Variants in SGCZ observed in about 807,000 individuals in gnomAD.
SGCZ encodes sarcoglycan zeta.
SGCZ carries 40 observed loss-of-function variants against 41.3 expected under a neutral mutation model. The ratio of observed to expected loss-of-function variants is 0.97; its 90% confidence interval spans 0.75 to 1.26. The LOEUF is 1.26. SGCZ is among the 50% of genes most tolerant of loss of function. SGCZ has a pLI of 0.00. For synonymous variants in SGCZ, 206 were observed against 137.5 expected, an observed-to-expected ratio of 1.50 and a Z score of -3.49; for missense variants, 552 against 369.8, an observed-to-expected ratio of 1.49 and a Z score of -4.04.
intron 1 of SGCZ, among the ~76,000 whole-genome samples, chr8:15,210,941 C>G (rs966790985): frequency 2.0e-5 from 3 of 151,916 alleles, no homozygotes; most frequent in African/African-American, 7.3e-5. Context: ...CTTCTATTGC[C>G]TTTGCCTAGA....
intron 2 of SGCZ, among the ~76,000 whole-genome samples, chr8:14,463,419 A>C (rs1439786615): frequency 1.3e-5 from 2 of 150,994 alleles, no homozygotes; most frequent in Non-Finnish European, 3.0e-5. Context: ...AAAAAAAAAA[A>C]AACCCTGGAT....
At chr8:14,809,693 C>G (rs1392860460) in intron 1 of SGCZ, among the ~76,000 whole-genome samples, 1 of 152,068 alleles carries the variant, frequency 6.6e-6, no homozygotes, top group Non-Finnish European at 1.5e-5. Flanking sequence ...TAATTTAAAT[C>G]TGAAAATGGA....
chr8:14,282,284 C>A (rs1585316274), intron 3 of SGCZ, among the ~76,000 whole-genome samples: 1 of 152,104 alleles, frequency 6.6e-6, no homozygotes, highest in African/African-American at 2.4e-5. Context: ...TTCTTAGAGT[C>A]AGGGGTAGAT....
chr8:14,969,722 A>T (rs979941937), intron 1 of SGCZ, among the ~76,000 whole-genome samples: 2 of 151,724 alleles, frequency 1.3e-5, no homozygotes, highest in Non-Finnish European at 2.9e-5. Context: ...TTAATTGTTC[A>T]CTCTTTTCTA....
At chr8:14,432,239 T>C (rs13272449) in intron 2 of SGCZ, among the ~76,000 whole-genome samples, 31,585 of 152,216 alleles carry the variant, frequency 0.21, 3,829 homozygotes, top group Non-Finnish European at 0.28. Flanking sequence ...GAGATGTTTA[T>C]AGTAGCACAA....
chr8:14,871,840 G>A (rs555191184), intron 1 of SGCZ, among the ~76,000 whole-genome samples: 17 of 149,026 alleles, frequency 1.1e-4, no homozygotes, highest in African/African-American at 4.0e-4. Flanking sequence ...ATATATATAT[G>A]TATGTATATA....
At chr8:14,202,786 A>C (rs548363740) in intron 4 of SGCZ, among the ~76,000 whole-genome samples, 2 of 152,292 alleles carry the variant, frequency 1.3e-5, no homozygotes, top group African/African-American at 4.8e-5. Flanking sequence ...GACACATTTT[A>C]AAATAGCAGA....
intron 1 of SGCZ, among the ~76,000 whole-genome samples, chr8:14,614,276 A>G (rs1225988725): frequency 2.0e-5 from 3 of 152,184 alleles, no homozygotes. Flanking sequence ...GCACAGCAAA[A>G]TATAAGAAAT....
intron 6 of SGCZ, among the ~76,000 whole-genome samples, chr8:14,103,798 A>ATATT (rs1190341596): frequency 1.3e-5 from 2 of 152,160 alleles, no homozygotes; most frequent in South Asian, 2.1e-4. Context: ...AAAACTCCCC[A>ATATT]TATTTTCCAT....
At chr8:14,245,324 G>A (rs10097606) in intron 3 of SGCZ, among the ~76,000 whole-genome samples, 5,548 of 152,194 alleles carry the variant, frequency 0.036, 162 homozygotes, top group African/African-American at 0.076. Flanking sequence ...TGACAAACCT[G>A]ACAAAAACAA....
intron 2 of SGCZ, among the ~76,000 whole-genome samples, chr8:14,493,359 CTTTTTTTTTTTTTT>C (rs57898016): frequency 9.0e-5 from 4 of 44,268 alleles, no homozygotes; most frequent in Admixed American, 3.9e-4. Context: ...ATCATCCTTT[CTTTTTTTTTTTTTT>C]TTTTTTTTTT....
At chr8:14,165,916 C>G (rs549858119) in intron 4 of SGCZ, among the ~76,000 whole-genome samples, 48 of 152,274 alleles carry the variant, frequency 3.2e-4, no homozygotes, top group African/African-American at 1.2e-3. Flanking sequence ...AACCCCACCT[C>G]AGCACTACTC....
At chr8:15,211,016 T>C (rs1457762207) in intron 1 of SGCZ, among the ~76,000 whole-genome samples, 5 of 130,542 alleles carry the variant, frequency 3.8e-5, no homozygotes, top group African/African-American at 1.4e-4. Context: ...TCTCTCTATA[T>C]ATAGATATAT....
At chr8:14,283,043 G>A (rs1232854038) in intron 3 of SGCZ, among the ~76,000 whole-genome samples, 3 of 150,792 alleles carry the variant, frequency 2.0e-5, no homozygotes. Flanking sequence ...TAGAGACGGG[G>A]TTTCACCGTG....
chr8:14,441,929 T>C (rs1280342080), intron 2 of SGCZ, among the ~76,000 whole-genome samples: 1 of 152,230 alleles, frequency 6.6e-6, no homozygotes, highest in Non-Finnish European at 1.5e-5. Flanking sequence ...TCTTTACTCT[T>C]GGCTTTTCTG....
chr8:14,600,976 A>G (rs1805572371), intron 1 of SGCZ, among the ~76,000 whole-genome samples: 1 of 151,134 alleles, frequency 6.6e-6, no homozygotes, highest in African/African-American at 2.4e-5. Context: ...ATTTCCTTAT[A>G]CTTTTAATGC....
chr8:14,185,308 GAGA>G (rs1804867375), intron 4 of SGCZ, among the ~76,000 whole-genome samples: 1 of 151,990 alleles, frequency 6.6e-6, no homozygotes, highest in Middle Eastern at 3.2e-3. Context: ...CAGGCTGAGG[GAGA>G]AGAATAGCTT....
chr8:15,058,784 A>G (rs1396235726), intron 1 of SGCZ, among the ~76,000 whole-genome samples: 12 of 152,186 alleles, frequency 7.9e-5, no homozygotes, highest in South Asian at 2.1e-4. Flanking sequence ...AGTTCATCAT[A>G]CAGGTTATAG....
Position 14,352,394 on chromosome 8 carries a change from C to T in SGCZ, c.235-28190G>A, listed in dbSNP as rs117425498. ...GCAAGAGCACACAAGAAAAGAAATA[C>T]GGCACAAAATGTGTAAAGAAAGGGA... On this transcript the variant is annotated intron_variant, in intron 2 of 7. Transcript: ENST00000382080. 7.3e-3 allele frequency among the ~76,000 whole-genome samples: 1,111 copies of T among 151,958 alleles called. 5 individuals are homozygous for T. Among genetic ancestry groups the T allele is most frequent in the Non-Finnish European group, 7.7e-3 (524 of 67,948 alleles).
Sources: gnomAD v4.1 joint callset for allele counts (sites outside exome capture counted in the v4.1 genomes callset) on GRCh38, gnomAD v4.1.1 for gene constraint, MANE v1.5 for transcripts, NCBI Gene and HGNC (gene_info 2026-07-23, HGNC 2026-07-21) for gene names.